Variants in GCNT2 observed in about 807,000 individuals in gnomAD.
GCNT2 encodes the protein glucosaminyl (N-acetyl) transferase 2 (I blood group), also known as N-acetyllactosaminide beta-1,6-N-acetylglucosaminyl-transferase.
A neutral mutation model predicts 34.2 loss-of-function variants in GCNT2; 34 were observed. The observed-to-expected ratio is 1.00, with a 90% CI of 0.76 to 1.32. The LOEUF is 1.32. GCNT2 is among the 40% of genes most tolerant of loss of function. The pLI, the probability that GCNT2 is intolerant of heterozygous loss-of-function variation, is 0.00. For synonymous variants in GCNT2, 212 were observed against 188.0 expected (o/e 1.13, Z -1.04); for missense variants, 584 against 489.4 (o/e 1.19, Z -1.82).
At chr6:10,624,228 A>G (rs896715194) in intron 4 of GCNT2, among the ~76,000 whole-genome samples, 8 of 152,240 alleles carry the variant, frequency 5.3e-5, no homozygotes, top group African/African-American at 1.4e-4. Context: ...CCGTTTTCAC[A>G]CTGCTGATAA....
At position 10,574,673 on chromosome 6, in the gene GCNT2, T is replaced by C. The variant is rs75791293; in HGVS notation, c.925+44837T>C. On this transcript the variant is annotated intron_variant, in intron 3 of 4. Coordinates refer to ENST00000495262, the MANE Select transcript of GCNT2 (RefSeq NM_145649.5). ...AAATCTGCCTATTTTGGTACTGCCC[T>C]TGAGCCAAGAATGTTTTTTGTTTGT... 3.8e-3 allele frequency: 1,313 copies of C among 344,404 alleles called. 16 individuals are homozygous for C. Among genetic ancestry groups the C allele is most frequent in the African/African-American group, 0.026 (1,242 of 47,430 alleles). 21.3% of individuals were successfully genotyped at this position (344,404 alleles called of 1,614,324 possible).
At position 10,585,031 on chromosome 6, in the gene GCNT2, C is replaced by CTGTG. The variant is rs1554133958; in HGVS notation, c.926-36320_926-36319insTGTG. Reference sequence around the variant, plus strand: ...ATTCTTTGTTCCCTCTTCCCATAGTCAGTGTGTGTGTGTGTGTGTGTGTGT... The same window carrying CTGTG: ...ATTCTTTGTTCCCTCTTCCCATAGTCTGTGAGTGTGTGTGTGTGTGTGTGTGTGT... On this transcript the variant is annotated intron_variant, in intron 3 of 4. Transcript: ENST00000495262. Among the ~76,000 whole-genome samples, 37 of 97,322 alleles carry CTGTG rather than the reference C, an allele frequency of 3.8e-4. 1 individual carries two copies. Among genetic ancestry groups the CTGTG allele is most frequent in the Non-Finnish European group, 6.1e-4 (31 of 50,666 alleles). 63.8% of individuals were successfully genotyped at this position (97,322 alleles called of 152,430 possible).
intron 3 of GCNT2, among the ~76,000 whole-genome samples, chr6:10,597,634 C>T (rs1389266391): frequency 1.3e-5 from 2 of 149,790 alleles, no homozygotes; most frequent in African/African-American, 2.5e-5. Context: ...TGTTGTTTTG[C>T]TTTTTTTGTT....
At chr6:10,620,993 CTG>C (rs1561842316) in intron 3 of GCNT2, among the ~76,000 whole-genome samples, 2 of 152,134 alleles carry the variant, frequency 1.3e-5, no homozygotes, top group Non-Finnish European at 2.9e-5. Context: ...CCAGCCCAAA[CTG>C]TCAATCGCGC....
chr6:10,538,043 C>G (rs1263553375), intron 3 of GCNT2, among the ~76,000 whole-genome samples: 1 of 151,914 alleles, frequency 6.6e-6, no homozygotes, highest in African/African-American at 2.4e-5. Context: ...GGGAAAAGAC[C>G]AACATTCAAA....
In GCNT2 at chr6:10,530,551, A is replaced by C. The variant is rs577767823; in HGVS notation, c.925+715A>C. ...TACAACTTTCAAATTTTTTATTTGC[A>C]AGCTCTTTTCTGGTCTTGAATCAAA... On this transcript the variant is annotated intron_variant, in intron 3 of 4. Coordinates refer to ENST00000495262, the MANE Select transcript of GCNT2 (RefSeq NM_145649.5). Among the ~76,000 whole-genome samples, 271 of 152,066 alleles carry C rather than the reference A, an allele frequency of 1.8e-3. 3 individuals are homozygous for C. Among genetic ancestry groups the C allele is most frequent in the African/African-American group, 6.2e-3 (257 of 41,488 alleles).
chr6:10,525,137 C>A (rs1390019646), intron 1 of GCNT2, among the ~76,000 whole-genome samples: 1 of 152,062 alleles, frequency 6.6e-6, no homozygotes, highest in Non-Finnish European at 1.5e-5. Context: ...TCTCTTTCTA[C>A]AGTCAGTTAT....
chr6:10,604,044 C>T (rs775353368), intron 3 of GCNT2, among the ~76,000 whole-genome samples: 4 of 151,738 alleles, frequency 2.6e-5, no homozygotes, highest in Admixed American at 6.6e-5. Context: ...TACAGGCGCA[C>T]GCCACCACGC....
At chr6:10,544,945 CAAATAAATAAATAAAT>C (rs57813293) in intron 3 of GCNT2, among the ~76,000 whole-genome samples, 6 of 148,972 alleles carry the variant, frequency 4.0e-5, no homozygotes, top group African/African-American at 1.5e-4. Context: ...AACTCTGTCT[CAAATAAATAAATAAAT>C]AAATAAATAA....
At chr6:10,575,884 C>T (rs1763785848) in intron 3 of GCNT2, among the ~76,000 whole-genome samples, 1 of 152,070 alleles carries the variant, frequency 6.6e-6, no homozygotes, top group African/African-American at 2.4e-5. Flanking sequence ...AGAACAAACC[C>T]CCTTTGACTG....
intron 2 of GCNT2, 67 bp downstream of exon 2, chr6:10,527,727 G>C (rs1322136872): frequency 6.6e-6 from 1 of 152,244 alleles, no homozygotes; most frequent in Non-Finnish European, 1.5e-5. Context: ...ATGCGTGTGT[G>C]TGAACGGACT....
intron 3 of GCNT2, among the ~76,000 whole-genome samples, chr6:10,598,956 C>T (rs1691004026): frequency 6.6e-6 from 1 of 152,148 alleles, no homozygotes; most frequent in Non-Finnish European, 1.5e-5. Context: ...CGCATGGTGC[C>T]TAGTAAGTGT....
intron 3 of GCNT2, among the ~76,000 whole-genome samples, chr6:10,565,638 G>A (rs989433056): frequency 6.6e-6 from 1 of 152,028 alleles, no homozygotes; most frequent in African/African-American, 2.4e-5. Context: ...TTGCCTTTTC[G>A]CAATGTATCT....
intron 3 of GCNT2, chr6:10,582,069 ATATT>A (rs1407655689): frequency 6.3e-6 from 1 of 158,950 alleles, no homozygotes; most frequent in East Asian, 1.9e-4. Flanking sequence ...CATGTAATAT[ATATT>A]TTAAATATGC....
At chr6:10,540,311 G>T (rs914461063) in intron 3 of GCNT2, among the ~76,000 whole-genome samples, 1 of 152,154 alleles carries the variant, frequency 6.6e-6, no homozygotes, top group Non-Finnish European at 1.5e-5. Flanking sequence ...CTTGTCTGAA[G>T]CCAAATGGCC....
chr6:10,617,730 G>A (rs571957926), intron 3 of GCNT2, among the ~76,000 whole-genome samples: 62 of 148,326 alleles, frequency 4.2e-4, no homozygotes, highest in Admixed American at 8.7e-4. Context: ...CACTGCACCT[G>A]GCCAGAGTCT....
At chr6:10,534,818 C>G (rs1383534813) in intron 3 of GCNT2, among the ~76,000 whole-genome samples, 2 of 152,148 alleles carry the variant, frequency 1.3e-5, no homozygotes, top group African/African-American at 4.8e-5. Flanking sequence ...GCTGCAATAG[C>G]ACCACTACCC....
At chr6:10,613,451 G>T (rs1031677132) in intron 3 of GCNT2, among the ~76,000 whole-genome samples, 2 of 151,954 alleles carry the variant, frequency 1.3e-5, no homozygotes, top group African/African-American at 4.8e-5. Context: ...GAAGGGTACG[G>T]TCCTACCCAT....
chr6:10,605,208 AT>A (rs869167781), intron 3 of GCNT2, among the ~76,000 whole-genome samples: 1,721 of 94,132 alleles, frequency 0.018, 12 homozygotes, highest in African/African-American at 0.063. Flanking sequence ...TCATGTAGGA[AT>A]TTTTTTTTTT....
Sources: gnomAD v4.1 joint callset for allele counts (sites outside exome capture counted in the v4.1 genomes callset) on GRCh38, gnomAD v4.1.1 for gene constraint, MANE v1.5 for transcripts, NCBI Gene and HGNC (gene_info 2026-07-23, HGNC 2026-07-21) for gene names.